SIDT1: variants seen among roughly 807,000 people sequenced by gnomAD.
SIDT1 encodes SID1 transmembrane family member 1.
Under a neutral mutation model 107.5 loss-of-function variants are expected in SIDT1, and 101 were observed. That is an observed-to-expected ratio of 0.94 (90% CI 0.80 to 1.11). SIDT1 has a LOEUF of 1.11. SIDT1 is among the 50% of genes least tolerant of loss of function. SIDT1 has a pLI of 0.00. For missense variants in SIDT1, 1,076 were observed against 1,058.2 expected, an observed-to-expected ratio of 1.02 and a Z score of -0.23; for synonymous variants, 395 against 398.2, an observed-to-expected ratio of 0.99 and a Z score of 0.10.
chr3:113,547,961 G>T (rs1939784381), intron 1 of SIDT1, among the ~76,000 whole-genome samples: 1 of 151,998 alleles, frequency 6.6e-6, no homozygotes, highest in Non-Finnish European at 1.5e-5. Context: ...TTCTTAAAAT[G>T]GTGGCAAAAT....
Position 113,543,323 on chromosome 3 carries a change from A to C in SIDT1, c.222+10080A>C, listed in dbSNP as rs545678920. Among the ~76,000 whole-genome samples, 4 of 152,242 alleles carry C rather than the reference A, an allele frequency of 2.6e-5. 1 individual carries two copies. Among genetic ancestry groups the C allele is most frequent in the African/African-American group, 9.6e-5 (4 of 41,530 alleles). On this transcript the variant is annotated intron_variant, in intron 1 of 24. Coordinates refer to ENST00000264852, the MANE Select transcript of SIDT1 (RefSeq NM_017699.3). The stretch of plus-strand genomic sequence containing the variant: ...TCCTGAAGCATCCTTACACTTACCC[A>C]AAAATTGGAGCCTACAAAACCCTCC...
rs1937618370 is a variant in SIDT1, at chr3:113,532,836, C to T, written c.-186C>T. On this transcript the variant is annotated 5_prime_UTR_variant, in exon 1 of 25. Coordinates refer to ENST00000264852, the MANE Select transcript of SIDT1 (RefSeq NM_017699.3). ...GACCTCCAGTGGAGACCCCAGGCGG[C>T]AGCATCAGTATTTGATCGGCCCTTC... 2.4e-6 allele frequency: 1 copy of T among 414,092 alleles called. No homozygotes were observed. The highest frequency in any genetic ancestry group is 4.2e-6 in the Non-Finnish European group (1 of 238,228). 25.7% of individuals were successfully genotyped at this position (414,092 alleles called of 1,614,324 possible). A position where few individuals can be genotyped will look rare whatever the true frequency, so the allele number is the denominator to read the frequency against.
rs2107878898 is a variant in SIDT1, at chr3:113,627,853, G to T, written c.*145G>T. The T allele has an allele frequency of 7.1e-6, 5 of 704,542 alleles. No individual in the cohort carries two copies. In the East Asian group the frequency reaches 1.3e-4, roughly 19 times the overall value. The allele number at this position is 704,542 out of a possible 1,614,324, so 43.6% of individuals were successfully genotyped here. ...TCTGCATTCACACAGGAAGGAGAGGGGCTGCGGGAGATTTAAACCTGCAAG... is the reference window on the plus strand; with the variant it reads ...TCTGCATTCACACAGGAAGGAGAGGTGCTGCGGGAGATTTAAACCTGCAAG... On this transcript the variant is annotated 3_prime_UTR_variant, in exon 25 of 25. Coordinates refer to ENST00000264852, the MANE Select transcript of SIDT1 (RefSeq NM_017699.3).
intron 10 of SIDT1, among the ~76,000 whole-genome samples, chr3:113,600,721 C>T (rs1008685123): frequency 1.3e-5 from 2 of 152,232 alleles, no homozygotes; most frequent in Non-Finnish European, 2.9e-5. Flanking sequence ...AAGATTTGAT[C>T]TCTCATACTT....
rs1271208878 is a variant in SIDT1 at position 113,601,594 on chromosome 3, G to C, written c.1052G>C (p.Gly351Ala). The change falls in exon 11 of 25, where the codon GGA becomes GCA. Residue 351 changes from glycine to alanine, a missense_variant. Physicochemically the swap from Gly to Ala is moderately conservative, Grantham distance 60 (BLOSUM62 0). Transcript: ENST00000264852. ...TCTTCACTTTTTTTAACAGGCTCTG[G>C]AAATATGGTGGCATCTCATCCCATT... is the stretch of plus-strand genomic sequence containing the variant. ...DGSFGSNDGS[G>A]NMVASHPIAA... 3 of 1,613,738 alleles carry C rather than the reference G, an allele frequency of 1.9e-6. No individual in the cohort carries two copies. Among genetic ancestry groups the C allele is most frequent in the Non-Finnish European group, 2.5e-6 (3 of 1,179,670 alleles).
chr3:113,629,551 A>T lies in SIDT1; in HGVS notation c.*1843A>T, dbSNP rs888532380. The stretch of plus-strand genomic sequence containing the variant: ...GACCCCATCTCTTAAAAAATAAAAA[A>T]AAATAAAAATTTGAACCTGTTTCAC... On this transcript the variant is annotated 3_prime_UTR_variant, in exon 25 of 25. Coordinates refer to ENST00000264852, the MANE Select transcript of SIDT1 (RefSeq NM_017699.3). 1.1e-4 allele frequency: 16 copies of T among 152,364 alleles called. No individual in the cohort carries two copies. Among genetic ancestry groups the T allele is most frequent in the African/African-American group, 3.1e-4 (13 of 41,576 alleles). The allele number at this position is 152,364 out of a possible 1,614,324, so 9.4% of individuals were successfully genotyped here. A position where few individuals can be genotyped will look rare whatever the true frequency, so the allele number is the denominator to read the frequency against.
At position 113,612,192 on chromosome 3, in the gene SIDT1, T is replaced by G. The variant is rs74444076; in HGVS notation, c.1964T>G (p.Ile655Arg). The change falls in exon 19 of 25, where the codon ATA (isoleucine) becomes AGA (arginine). Residue 655 changes from isoleucine to arginine, a missense_variant and splice_region_variant. By Grantham distance (97) the Ile-to-Arg change is moderately conservative. Transcript: ENST00000264852. ...ATATATTATATGGGTCGTTTCAAGATAGGTGAGTCACCTGTTAATTCTATA... is the reference window on the plus strand; with the variant it reads ...ATATATTATATGGGTCGTTTCAAGAGAGGTGAGTCACCTGTTAATTCTATA... ...TQIYYMGRFK[I>R]DLGIFRRAAM... 1 of 1,600,688 alleles carries G rather than the reference T, an allele frequency of 6.2e-7. No individual in the cohort carries two copies. Among genetic ancestry groups the G allele is most frequent in the African/African-American group, 1.3e-5 (1 of 74,646 alleles).
chr3:113,540,307 C>A (rs1455786090), intron 1 of SIDT1, among the ~76,000 whole-genome samples: 5 of 152,188 alleles, frequency 3.3e-5, no homozygotes, highest in Non-Finnish European at 7.4e-5. Flanking sequence ...TAGGTCCCCA[C>A]CTTCAACATT....
rs531157630 is a variant in SIDT1, at chr3:113,537,737, G to A, written c.222+4494G>A. ...AAGCTCCTTCTTGCTGTGTCCTCAC[G>A]TGGCCAAGAGAGCAAAGAGAGAAGA... On this transcript the variant is annotated intron_variant, in intron 1 of 24. Transcript: ENST00000264852. 2.7e-4 allele frequency among the ~76,000 whole-genome samples: 41 copies of A among 152,316 alleles called. No homozygotes were observed. The South Asian group carries it at 6.8e-3, about 25-fold the overall frequency.
At chr3:113,568,218 CA>C (rs549838131) in intron 3 of SIDT1, among the ~76,000 whole-genome samples, 1 of 151,770 alleles carries the variant, frequency 6.6e-6, no homozygotes, top group African/African-American at 2.4e-5. Context: ...GCAAGCTCAT[CA>C]AAAAAATAAT....
chr3:113,631,392 C>T (rs919212252), downstream of SIDT1, among the ~76,000 whole-genome samples: 6 of 152,176 alleles, frequency 3.9e-5, no homozygotes, highest in African/African-American at 1.4e-4. Context: ...CACTATGAAT[C>T]TAATGTCCCT....
At chr3:113,595,861 A>G (rs189602089) in intron 10 of SIDT1, among the ~76,000 whole-genome samples, 231 of 152,302 alleles carry the variant, frequency 1.5e-3, no homozygotes, top group Non-Finnish European at 2.5e-3. Flanking sequence ...TTAAACCAAG[A>G]GCAGAAGACA....
At chr3:113,575,387 C>T (rs1942818770) in intron 3 of SIDT1, among the ~76,000 whole-genome samples, 2 of 152,174 alleles carry the variant, frequency 1.3e-5, no homozygotes, top group South Asian at 2.1e-4. Context: ...CTGGTAACAC[C>T]GGGAGACACT....
intron 10 of SIDT1, among the ~76,000 whole-genome samples, chr3:113,595,260 C>T (rs1438276141): frequency 1.3e-5 from 2 of 152,160 alleles, no homozygotes; most frequent in East Asian, 3.9e-4. Context: ...CTAGGAGTTG[C>T]CCCTCCTTGG....
chr3:113,533,094 C>T lies in SIDT1; in HGVS notation c.73C>T (p.Pro25Ser), dbSNP rs1233859383. Reference sequence around the variant, plus strand: ...CCTGCTGGCGGCGTCGCCCGGGCACCCGGCGAAATCCCCCAGGCAGCCCCC... The same window carrying T: ...CCTGCTGGCGGCGTCGCCCGGGCACTCGGCGAAATCCCCCAGGCAGCCCCC... ...WLLLAASPGH[P>S]AKSPRQPPAP... is the part of the protein sequence containing the mutation. The change falls in exon 1 of 25, where the codon CCG (proline) becomes TCG (serine). Residue 25 changes from proline to serine, a missense_variant. Pro to Ser is a moderately conservative substitution (Grantham distance 74, BLOSUM62 -1). Coordinates refer to ENST00000264852, the MANE Select transcript of SIDT1 (RefSeq NM_017699.3). The T allele has an allele frequency of 6.6e-7, 1 of 1,520,608 alleles. No homozygotes were observed. The highest frequency in any genetic ancestry group is 8.8e-7 in the Non-Finnish European group (1 of 1,134,822). 94.2% of individuals were successfully genotyped at this position (1,520,608 alleles called of 1,614,324 possible).
chr3:113,598,466 C>T (rs1331757823), intron 10 of SIDT1, among the ~76,000 whole-genome samples: 1 of 152,190 alleles, frequency 6.6e-6, no homozygotes, highest in African/African-American at 2.4e-5. Flanking sequence ...TTCAACTTCC[C>T]ATATCAGAGG....
At chr3:113,617,180 C>G (rs1026102976) in intron 20 of SIDT1, among the ~76,000 whole-genome samples, 1 of 152,264 alleles carries the variant, frequency 6.6e-6, no homozygotes, top group Non-Finnish European at 1.5e-5. Flanking sequence ...AACTGGGACC[C>G]GTGTTCACTC....
At chr3:113,545,348 AT>A (rs1353323842) in intron 1 of SIDT1, among the ~76,000 whole-genome samples, 1 of 151,990 alleles carries the variant, frequency 6.6e-6, no homozygotes, top group Non-Finnish European at 1.5e-5. Flanking sequence ...TTCTTCTCTC[AT>A]TTATTTATTT....
At chr3:113,616,358 C>T (rs1171137984) in intron 20 of SIDT1, among the ~76,000 whole-genome samples, 182 bp downstream of exon 20, 2 of 152,226 alleles carry the variant, frequency 1.3e-5, no homozygotes, top group East Asian at 1.9e-4. Flanking sequence ...ACAAGTCAAG[C>T]TAACATGGTC....
Sources: allele counts gnomAD v4.1 joint callset (sites outside exome capture counted in the v4.1 genomes callset), GRCh38; gene constraint gnomAD v4.1.1; transcripts MANE v1.5; gene names NCBI Gene and HGNC (gene_info 2026-07-23, HGNC 2026-07-21).